KDM5C: variants seen among roughly 807,000 people sequenced by gnomAD.
KDM5C encodes the protein lysine demethylase 5C, also known as lysine-specific demethylase 5C.
A neutral mutation model predicts 110.6 loss-of-function variants in KDM5C; 16 were observed. That is an observed-to-expected ratio of 0.14 (90% CI 0.10 to 0.22). The LOEUF is 0.22. Ranked by LOEUF, KDM5C falls within the 10% of genes least tolerant of loss-of-function variation. KDM5C has a pLI of 1.00. For missense variants in KDM5C, 681 were observed against 1,300.9 expected, an observed-to-expected ratio of 0.52 and a Z score of 7.33; for synonymous variants, 511 against 520.4, an observed-to-expected ratio of 0.98 and a Z score of 0.24.
At chrX:53,206,448 G>T (rs782538114) in intron 12 of KDM5C, among the ~76,000 whole-genome samples, 1 of 111,332 alleles carries the variant, frequency 9.0e-6, no homozygotes, top group African/African-American at 3.3e-5. Context: ...TGAATTTTAC[G>T]GTATGTAGCA....
chrX:53,210,954 G>C, intron 10 of KDM5C, 97 bp from the exon 11 acceptor site: 1 of 800,947 alleles, frequency 1.2e-6, no homozygotes, highest in Non-Finnish European at 1.9e-6. Context: ...TTAATTTTGA[G>C]GTCAGAGACT....
intron 25 of KDM5C, 22 bp downstream of exon 25, chrX:53,193,415 G>A (rs368744562): frequency 5.5e-5 from 66 of 1,209,273 alleles, no homozygotes; most frequent in African/African-American, 1.2e-4. Flanking sequence ...CTCCTGGCCC[G>A]GCCCATGACC....
chrX:53,221,885 G>T, intron 1 of KDM5C: 3 of 385,636 alleles, frequency 7.8e-6, no homozygotes, highest in South Asian at 3.0e-5. Flanking sequence ...GTTGGAGCTT[G>T]CTGTGTCCTG....
intron 7 of KDM5C, 184 bp from the exon 8 acceptor site, chrX:53,215,031 C>G (rs782084474): frequency 5.8e-6 from 3 of 514,707 alleles, no homozygotes; most frequent in Non-Finnish European, 1.0e-5. Context: ...CTTGAATCCT[C>G]CCATTTTTAT....
intron 12 of KDM5C, among the ~76,000 whole-genome samples, chrX:53,209,798 T>C (rs782054272): frequency 1.8e-5 from 2 of 112,227 alleles, no homozygotes; most frequent in Admixed American, 1.9e-4. Flanking sequence ...CCCAGCAAAA[T>C]GTTTTAAAGG....
At chrX:53,221,645 AG>A (rs1396180439) in intron 1 of KDM5C, 1 of 707,779 alleles carries the variant, frequency 1.4e-6, no homozygotes, top group Non-Finnish European at 2.0e-6. Flanking sequence ...TAGACACTGC[AG>A]GGAAGAGCAA....
chrX:53,199,025 G>T lies in KDM5C; in HGVS notation c.2195C>A (p.Ser732Tyr). 3.3e-6 allele frequency: 4 copies of T among 1,212,189 alleles called. No homozygotes were observed. The highest frequency in any genetic ancestry group is 4.5e-6 in the Non-Finnish European group (4 of 895,621). The change falls in exon 15 of 26, where the codon TCC (serine) becomes TAC (tyrosine). Residue 732 changes from serine to tyrosine, a missense_variant. Physicochemically the swap from Ser to Tyr is moderately radical, Grantham distance 144 (BLOSUM62 -2). This residue lies in a region of KDM5C where 42 missense variants were observed against 98.9 expected (regional missense o/e 0.42). Coordinates refer to ENST00000375401, the MANE Select transcript of KDM5C (RefSeq NM_004187.5). ...YDCPDGLVCL[S>Y]HINDLCKCSS... Reference sequence around the variant, plus strand: ...GCACTTGCAGAGATCATTGATGTGGGAAAGGCAGACAAGGCCGTCTGGGCA... The same window carrying T: ...GCACTTGCAGAGATCATTGATGTGGTAAAGGCAGACAAGGCCGTCTGGGCA...
chrX:53,217,316 C>T, intron 4 of KDM5C, 39 bp from the exon 5 acceptor site: 1 of 1,206,362 alleles, frequency 8.3e-7, no homozygotes, highest in Non-Finnish European at 1.1e-6. Context: ...GACATGGACT[C>T]CAGCCCGCAA....
At chrX:53,212,008 T>C in intron 8 of KDM5C, 102 bp from the exon 9 acceptor site, 4 of 1,029,808 alleles carry the variant, frequency 3.9e-6, no homozygotes, top group Non-Finnish European at 5.4e-6. Flanking sequence ...AGAAGAGCCC[T>C]AGGTCTGCAC....
At chrX:53,179,264 T>C (rs1169363070) in intron 25 of KDM5C, among the ~76,000 whole-genome samples, 3 of 106,942 alleles carry the variant, frequency 2.8e-5, no homozygotes, top group Non-Finnish European at 5.8e-5. Flanking sequence ...AAAAATTAGC[T>C]GCAGTGAGCC....
chrX:53,181,693 A>G (rs1480476625), intron 25 of KDM5C, among the ~76,000 whole-genome samples: 6 of 109,391 alleles, frequency 5.5e-5, no homozygotes, highest in Admixed American at 9.7e-5. Flanking sequence ...AAAAAAAAAA[A>G]AAAAAAGAAA....
At chrX:53,215,670 C>T in intron 7 of KDM5C, 125 bp downstream of exon 7, 1 of 680,014 alleles carries the variant, frequency 1.5e-6, no homozygotes, top group Non-Finnish European at 2.4e-6. Flanking sequence ...AAGTGAGCTA[C>T]CTGAGGGCAG....
chrX:53,188,188 T>TGAGACTTTGA (rs782119562), downstream of KDM5C, among the ~76,000 whole-genome samples: 5 of 111,548 alleles, frequency 4.5e-5, no homozygotes, highest in Admixed American at 9.5e-5. Flanking sequence ...TGTAATTGGA[T>TGAGACTTTGA]GAGACTTTGA....
chrX:53,193,581 C>A lies in KDM5C; in HGVS notation c.4173G>T (p.Leu1391=). The change falls in exon 25 of 26, where the codon CTG becomes CTT. Residue 1391 remains leucine, a synonymous_variant. Coordinates refer to ENST00000375401, the MANE Select transcript of KDM5C (RefSeq NM_004187.5). ...CCAAGGGGGCCCGGGTTGCCTCAGG[C>A]AGTTCCAACACAGGGCCAGTCAACT... ...LPQLTGPVLE[L]PEATRAPLEE... is the part of the protein sequence containing the mutation. 1 of 1,212,115 alleles carries A rather than the reference C, an allele frequency of 8.3e-7. No homozygotes were observed. Among genetic ancestry groups the A allele is most frequent in the Non-Finnish European group, 1.1e-6 (1 of 895,517 alleles).
chrX:53,193,432 C>T lies in KDM5C; in HGVS notation c.4317+5G>A. 1 of 1,212,043 alleles carries T rather than the reference C, an allele frequency of 8.3e-7. No homozygotes were observed. The highest frequency in any genetic ancestry group is 1.1e-6 in the Non-Finnish European group (1 of 895,528). Reference sequence around the variant, plus strand: ...CCTGGCCCGGCCCATGACCCCTCTCCTCACCTCCAGAAGTGTGCGGATCCT... The same window carrying T: ...CCTGGCCCGGCCCATGACCCCTCTCTTCACCTCCAGAAGTGTGCGGATCCT... On this transcript the variant is annotated splice_donor_5th_base_variant and intron_variant, in intron 25 of 25. Coordinates refer to ENST00000375401, the MANE Select transcript of KDM5C (RefSeq NM_004187.5).
chrX:53,203,806 G>A (rs1230988644), intron 12 of KDM5C, among the ~76,000 whole-genome samples: 31 of 106,884 alleles, frequency 2.9e-4, no homozygotes, highest in Admixed American at 9.1e-4. Flanking sequence ...TCACTTTGTC[G>A]CCCAGGCTAC....
At chrX:53,224,699 A>C (rs2073992692) in intron 1 of KDM5C, 41 bp downstream of exon 1, 1 of 1,208,661 alleles carries the variant, frequency 8.3e-7, no homozygotes. Flanking sequence ...CTACTGCTTC[A>C]TTCCGTCTCG....
chrX:53,181,675 CAAAAAA>C (rs60649092), intron 25 of KDM5C, among the ~76,000 whole-genome samples: 1 of 52,639 alleles, frequency 1.9e-5, no homozygotes, highest in South Asian at 1.7e-3. Flanking sequence ...GACCATGTCT[CAAAAAA>C]AAAAAAAAAA....
At chrX:53,198,415 A>ACC in intron 17 of KDM5C, 75 bp downstream of exon 17, 1 of 1,109,398 alleles carries the variant, frequency 9.0e-7, no homozygotes, top group Non-Finnish European at 1.2e-6. Flanking sequence ...TTCACAGTCT[A>ACC]CCCCTTGCAG....
Sources: gnomAD v4.1 joint callset for allele counts (sites outside exome capture counted in the v4.1 genomes callset) on GRCh38, gnomAD v4.1.1 for gene constraint, gnomAD v4.1.1 regional missense constraint, MANE v1.5 for transcripts, NCBI Gene and HGNC (gene_info 2026-07-23, HGNC 2026-07-21) for gene names.